Variants in RXRB observed in about 807,000 individuals in gnomAD.
The protein encoded by RXRB is retinoid X receptor beta, also known as retinoic acid receptor RXR-beta.
In RXRB, 18 loss-of-function variants were observed where a neutral mutation model predicts 52.5. The ratio of observed to expected loss-of-function variants is 0.34; its 90% CI spans 0.24 to 0.51. The LOEUF is 0.51. Among genes scored for constraint, RXRB ranks in the 20% least tolerant of loss-of-function variants. The probability of loss-of-function intolerance (pLI) is 0.97; values close to 1 mark genes in which losing one functional copy is unlikely to be tolerated. For synonymous variants in RXRB, 233 were observed against 267.1 expected (o/e 0.87, Z 1.25); for missense variants, 455 against 698.2 (o/e 0.65, Z 3.92).
chr6:33,195,158 C>A lies in RXRB; in HGVS notation c.1349-108G>T. ...CCCCTTTTGGGCTGCACTTGCTTGC[C>A]CTTTACCAGAGGCCTGGCAAGGGAA... On this transcript the variant is annotated intron_variant, in intron 8 of 9. Transcript: ENST00000374680. The surrounding 1 kb of genome is among the most constrained non-coding windows in gnomAD (Gnocchi z 8.6). 1.1e-6 allele frequency: 1 copy of A among 889,132 alleles called. No homozygotes were observed. The highest frequency in any genetic ancestry group is 1.8e-6 in the Non-Finnish European group (1 of 545,148). The allele number at this position is 889,132 out of a possible 1,614,324, so 55.1% of individuals were successfully genotyped here. A position where few individuals can be genotyped will look rare whatever the true frequency, so the allele number is the denominator to read the frequency against.
At chr6:33,198,249 CACAGGTGATGAT>C (rs1774075572) in intron 3 of RXRB, 47 bp downstream of exon 3, 2 of 1,610,282 alleles carry the variant, frequency 1.2e-6, no homozygotes, top group Non-Finnish European at 1.7e-6. Flanking sequence ...CTGGGAATCC[CACAGGTGATGAT>C]ACATGGCCCA....
Position 33,200,099 on chromosome 6 carries a change from C to G in RXRB, c.235+143G>C. Reference sequence around the variant, plus strand: ...CCGCCCCGCCCCGGGGGGGAGGGTGCTAAGGCCCTCGGGAGGGAGGGGACG... The same window carrying G: ...CCGCCCCGCCCCGGGGGGGAGGGTGGTAAGGCCCTCGGGAGGGAGGGGACG... On this transcript the variant is annotated intron_variant, in intron 1 of 9. Coordinates refer to ENST00000374680, the MANE Select transcript of RXRB (RefSeq NM_021976.5). This position sits in a 1 kb window ranked among gnomAD's most constrained non-coding sequence, Gnocchi z 6.3. 1 of 1,204,988 alleles carries G rather than the reference C, an allele frequency of 8.3e-7. No individual in the cohort carries two copies. Among genetic ancestry groups the G allele is most frequent in the Non-Finnish European group, 1.2e-6 (1 of 821,274 alleles). 74.6% of individuals were successfully genotyped at this position (1,204,988 alleles called of 1,614,324 possible).
At position 33,194,763 on chromosome 6, in the gene RXRB, C is replaced by G. The variant is rs61669264; in HGVS notation, c.1521G>C (p.Leu507=). 13,462 of 1,613,070 alleles carry G rather than the reference C, an allele frequency of 8.3e-3. 257 individuals carry two copies. Among genetic ancestry groups the G allele is most frequent in the African/African-American group, 0.067 (5,057 of 75,028 alleles). Residue 507 remains leucine (L), a synonymous_variant, in exon 10 of 10, where the codon CTG becomes CTC. Transcript: ENST00000374680. This position sits in a 1 kb window ranked among gnomAD's most constrained non-coding sequence, Gnocchi z 4.1. ...TGTCACCAATGAGCTTGAAGAAAAA[C>G]AGATGCTCTAGACACTTAAGGCCAA... ...RSIGLKCLEH[L]FFFKLIGDTP...
At position 33,194,887 on chromosome 6, in the gene RXRB, A is replaced by G. The variant is rs1773776101; in HGVS notation, c.1454+58T>C. 1 of 1,611,182 alleles carries G rather than the reference A, an allele frequency of 6.2e-7. No homozygotes were observed. Among genetic ancestry groups the G allele is most frequent in the African/African-American group, 1.3e-5 (1 of 74,828 alleles). ...CTGGAAGCACACGGGCCCTGAACAC[A>G]TCCTCATAGCACTCCCCACCCCCAA... On this transcript the variant is annotated intron_variant, in intron 9 of 9. Transcript: ENST00000374680. The surrounding 1 kb of genome is among the most constrained non-coding windows in gnomAD (Gnocchi z 4.1).
At position 33,196,478 on chromosome 6, in the gene RXRB, G is replaced by C; in HGVS notation, c.949C>G (p.Gln317Glu). 2 of 1,612,958 alleles carry C rather than the reference G, an allele frequency of 1.2e-6. No homozygotes were observed. The highest frequency in any genetic ancestry group is 1.7e-6 in the Non-Finnish European group (2 of 1,180,010). Residue 317 changes from glutamine (Q) to glutamate (E), a missense_variant, in exon 5 of 10, where the codon CAG becomes GAG. Transcript: ENST00000374680. This position sits in a 1 kb window ranked among gnomAD's most constrained non-coding sequence, Gnocchi z 4.0. Reference sequence around the variant, plus strand: ...GTTCCCCCAGGACCCTCAACGCCCTGGTCACTCTTCTGTTCCACAGCAAGC... The same window carrying C: ...GTTCCCCCAGGACCCTCAACGCCCTCGTCACTCTTCTGTTCCACAGCAAGC... Reference protein sequence around the residue: ...AELAVEQKSDQGVEGPGGTGG... With the variant: ...AELAVEQKSDEGVEGPGGTGG...
Position 33,196,103 on chromosome 6 carries a change from C to T in RXRB, c.994-67G>A. On this transcript the variant is annotated intron_variant, in intron 5 of 9. Transcript: ENST00000374680. The surrounding 1 kb of genome is among the most constrained non-coding windows in gnomAD (Gnocchi z 4.0). ...ATGCTGGGAGCCCCCTTGTAAGAGG[C>T]TTTTGACACCCCCTCCTTACATATA... is the stretch of plus-strand genomic sequence containing the variant. 2 of 1,589,420 alleles carry T rather than the reference C, an allele frequency of 1.3e-6. No homozygotes were observed. The highest frequency in any genetic ancestry group is 1.7e-6 in the Non-Finnish European group (2 of 1,160,788).
In RXRB at chr6:33,196,700, G is replaced by A; in HGVS notation, c.821-94C>T. 1.8e-6 allele frequency: 2 copies of A among 1,116,902 alleles called. No homozygotes were observed. Among genetic ancestry groups the A allele is most frequent in the South Asian group, 1.5e-5 (1 of 65,742 alleles). The allele number at this position is 1,116,902 out of a possible 1,614,324, so 69.2% of individuals were successfully genotyped here. ...CCTTACGGCCTCATCAGGATCTCAT[G>A]GCCCTTGGGAGATATTTATAGGAAT... On this transcript the variant is annotated intron_variant, in intron 4 of 9. Transcript: ENST00000374680. The surrounding 1 kb of genome is among the most constrained non-coding windows in gnomAD (Gnocchi z 4.0).
chr6:33,194,605 C>CA lies in RXRB; in HGVS notation c.*76dup. 6.6e-7 allele frequency: 1 copy of CA among 1,514,980 alleles called. No individual in the cohort carries two copies. Among genetic ancestry groups the CA allele is most frequent in the Non-Finnish European group, 9.0e-7 (1 of 1,116,834 alleles). The allele number at this position is 1,514,980 out of a possible 1,614,324, so 93.8% of individuals were successfully genotyped here. ...TCAAGGTTCTGGGAACATGGCCCCC[C>CA]ACCCTGCCCCAGGGCTTGGAGTCCC... On this transcript the variant is annotated 3_prime_UTR_variant, in exon 10 of 10. Transcript: ENST00000374680. This position sits in a 1 kb window ranked among gnomAD's most constrained non-coding sequence, Gnocchi z 4.1.
chr6:33,194,828 A>T lies in RXRB; in HGVS notation c.1456T>A (p.Phe486Ile). Reference protein sequence around the residue: ...KQKYPEQQGRFAKLLLRLPAL... With the variant: ...KQKYPEQQGRIAKLLLRLPAL... ...GGAAGACGTAGCAGCAGCTTGGCAA[A>T]CCTGGGGTGGAGGTGGGAGAAGGGG... Residue 486 changes from phenylalanine (F) to isoleucine (I), a missense_variant and splice_region_variant, in exon 10 of 10, where the codon TTT becomes ATT. Coordinates refer to ENST00000374680, the MANE Select transcript of RXRB (RefSeq NM_021976.5). This position sits in a 1 kb window ranked among gnomAD's most constrained non-coding sequence, Gnocchi z 4.1. 1 of 1,612,552 alleles carries T rather than the reference A, an allele frequency of 6.2e-7. No homozygotes were observed. The highest frequency in any genetic ancestry group is 8.5e-7 in the Non-Finnish European group (1 of 1,179,936).
chr6:33,199,053 A>G, intron 2 of RXRB, 116 bp downstream of exon 2: 1 of 673,796 alleles, frequency 1.5e-6, no homozygotes. Context: ...AGGCCTGACA[A>G]GGTTAGAGGA....
Position 33,199,324 on chromosome 6 carries a change from CTGTTGAAGGGGGTAGGGG to C in RXRB, c.310_327del (p.Pro104_Thr109del). ...GCCCCAGAGCCTCCAAGGGATGGAGCTGTTGAAGGGGGTAGGGGTGGCCCAGGAGGAGAAGGGGGAGGG... is the reference window on the plus strand; with the variant it reads ...GCCCCAGAGCCTCCAAGGGATGGAGCTGGCCCAGGAGGAGAAGGGGGAGGG... On this transcript the variant is annotated inframe_deletion, in exon 2 of 10. Transcript: ENST00000374680. 1 of 1,119,146 alleles carries C rather than the reference CTGTTGAAGGGGGTAGGGG, an allele frequency of 8.9e-7. No individual in the cohort carries two copies. Among genetic ancestry groups the C allele is most frequent in the Non-Finnish European group, 1.1e-6 (1 of 901,226 alleles). The allele number at this position is 1,119,146 out of a possible 1,614,324, so 69.3% of individuals were successfully genotyped here.
chr6:33,199,443 CAG>C (rs1443554716), intron 1 of RXRB, 27 bp from the exon 2 acceptor site: 4 of 1,262,528 alleles, frequency 3.2e-6, no homozygotes, highest in Non-Finnish European at 4.0e-6. Flanking sequence ...TACAGGCACA[CAG>C]ACACACAAGA....
At position 33,200,029 on chromosome 6, in the gene RXRB, A is replaced by G; in HGVS notation, c.235+213T>C. 1.2e-6 allele frequency: 1 copy of G among 808,336 alleles called. No individual in the cohort carries two copies. 50.1% of individuals were successfully genotyped at this position (808,336 alleles called of 1,614,324 possible). A position where few individuals can be genotyped will look rare whatever the true frequency, so the allele number is the denominator to read the frequency against. On this transcript the variant is annotated intron_variant, in intron 1 of 9. Coordinates refer to ENST00000374680, the MANE Select transcript of RXRB (RefSeq NM_021976.5). The surrounding 1 kb of genome is among the most constrained non-coding windows in gnomAD (Gnocchi z 6.3). The stretch of plus-strand genomic sequence containing the variant: ...CCCAGGCCCGCGACCTCCGGTGCCC[A>G]AGGCCTCAAGCGGTCACAGCTAGGA...
rs1210262049 is a variant in RXRB, at chr6:33,200,646, G to A, written c.-170C>T. 8 of 1,521,014 alleles carry A rather than the reference G, an allele frequency of 5.3e-6. No individual in the cohort carries two copies. In the Admixed American group the frequency reaches 1.4e-4, roughly 27 times the overall value. The allele number at this position is 1,521,014 out of a possible 1,614,324, so 94.2% of individuals were successfully genotyped here. On this transcript the variant is annotated 5_prime_UTR_variant, in exon 1 of 10. Transcript: ENST00000374680. The surrounding 1 kb of genome is among the most constrained non-coding windows in gnomAD (Gnocchi z 6.3). ...CCAAAATGACAGCGCCAATGTGGCA[G>A]CCATCTTTGTACAGACGGGAAGTCT...
At chr6:33,198,202 C>G (rs1234972216) in intron 3 of RXRB, 106 bp downstream of exon 3, 1 of 1,511,712 alleles carries the variant, frequency 6.6e-7, no homozygotes, top group Non-Finnish European at 9.2e-7. Flanking sequence ...CATCAGGCCT[C>G]CCCCAGGTCA....
At chr6:33,199,732 G>C (rs897116900) in intron 1 of RXRB, 17 of 433,554 alleles carry the variant, frequency 3.9e-5, no homozygotes, top group Non-Finnish European at 6.1e-5. Context: ...ATTGTGGTGA[G>C]AGGAGGGAGT....
Position 33,195,188 on chromosome 6 carries a change from G to T in RXRB, c.1349-138C>A. On this transcript the variant is annotated intron_variant, in intron 8 of 9. Transcript: ENST00000374680. The surrounding 1 kb of genome is among the most constrained non-coding windows in gnomAD (Gnocchi z 8.6). ...ACCAGAGGCCTGGCAAGGGAAGCAG[G>T]GCCCACTGGGTTTGTGGGATGGATC... The T allele has an allele frequency of 1.3e-6, 1 of 779,102 alleles. No individual in the cohort carries two copies. The highest frequency in any genetic ancestry group is 2.2e-6 in the Non-Finnish European group (1 of 458,194). 48.3% of individuals were successfully genotyped at this position (779,102 alleles called of 1,614,324 possible).
chr6:33,200,187 G>T lies in RXRB; in HGVS notation c.235+55C>A. The T allele has an allele frequency of 6.3e-7, 1 of 1,586,674 alleles. No homozygotes were observed. On this transcript the variant is annotated intron_variant, in intron 1 of 9. Transcript: ENST00000374680. This position sits in a 1 kb window ranked among gnomAD's most constrained non-coding sequence, Gnocchi z 6.3. ...GAGCACCGGGGGAGGGTGTGGGGGA[G>T]GGGTCGCAGATAAAGCGGTCACTGG...
Position 33,196,115 on chromosome 6 carries a change from C to T in RXRB, c.994-79G>A, listed in dbSNP as rs975399002. On this transcript the variant is annotated intron_variant, in intron 5 of 9. Transcript: ENST00000374680. This position sits in a 1 kb window ranked among gnomAD's most constrained non-coding sequence, Gnocchi z 4.0. ...CCCTTGTAAGAGGCTTTTGACACCC[C>T]CTCCTTACATATAGTCTTCCTGTGA... 1.6e-5 allele frequency: 25 copies of T among 1,561,116 alleles called. No individual in the cohort carries two copies. The highest frequency in any genetic ancestry group is 2.1e-5 in the Non-Finnish European group (24 of 1,137,516).
Sources: gnomAD v4.1 joint callset for allele counts on GRCh38, gnomAD v4.1.1 for gene constraint, Gnocchi (gnomAD v3.1) non-coding constraint, MANE v1.5 for transcripts, NCBI Gene and HGNC (gene_info 2026-07-23, HGNC 2026-07-21) for gene names.